Variants in NOL9 observed in about 807,000 individuals in gnomAD.
The protein encoded by NOL9 is nucleolar protein 9, also known as polynucleotide 5'-hydroxyl-kinase NOL9.
Under a neutral mutation model 67.9 loss-of-function variants are expected in NOL9, and 28 were observed. That is an observed-to-expected ratio of 0.41 (90% CI 0.31 to 0.57). NOL9 has a LOEUF of 0.57. NOL9 is among the 20% of genes least tolerant of loss of function. The probability of loss-of-function intolerance (pLI) is 0.25; values close to 1 mark genes in which losing one functional copy is unlikely to be tolerated. For synonymous variants in NOL9, 356 were observed against 352.2 expected, an observed-to-expected ratio of 1.01 and a Z score of -0.12; for missense variants, 777 against 897.0, an observed-to-expected ratio of 0.87 and a Z score of 1.71.
chr1:6,549,898 C>A (rs11581831), intron 2 of NOL9, among the ~76,000 whole-genome samples, 200 bp from the exon 3 acceptor site: 1 of 151,970 alleles, frequency 6.6e-6, no homozygotes, highest in South Asian at 2.1e-4. Flanking sequence ...CATAATAATT[C>A]TGTGGCCTTG....
intron 1 of NOL9, among the ~76,000 whole-genome samples, chr1:6,551,400 A>G (rs1022187754): frequency 6.6e-6 from 1 of 151,876 alleles, no homozygotes; most frequent in Non-Finnish European, 1.5e-5. Context: ...CCTGGATAAC[A>G]TGGCAAACCC....
intron 9 of NOL9, among the ~76,000 whole-genome samples, chr1:6,531,600 G>A (rs1427797287): frequency 1.3e-5 from 2 of 152,108 alleles, no homozygotes; most frequent in Non-Finnish European, 2.9e-5. Flanking sequence ...CTGAGGCCCA[G>A]TAGCACCCCT....
chr1:6,549,859 TG>T (rs1369178033), intron 2 of NOL9, among the ~76,000 whole-genome samples, 161 bp from the exon 3 acceptor site: 4 of 152,138 alleles, frequency 2.6e-5, no homozygotes, highest in Non-Finnish European at 4.4e-5. Flanking sequence ...AGAACACATC[TG>T]GGAGGAGAAG....
intron 6 of NOL9, chr1:6,540,922 C>T (rs1395900162): frequency 6.6e-6 from 1 of 150,424 alleles, no homozygotes; most frequent in East Asian, 2.0e-4. Context: ...ATGGGCCCCG[C>T]ACAAGGATAA....
chr1:6,533,215 T>C (rs1639073771), intron 7 of NOL9, 65 bp downstream of exon 7: 1 of 1,461,102 alleles, frequency 6.8e-7, no homozygotes, highest in Non-Finnish European at 9.2e-7. Context: ...TTAACGTGAA[T>C]GTCTGAAACC....
In NOL9 at chr1:6,554,277, G is replaced by C. The variant is rs1026156047; in HGVS notation, c.226C>G (p.Arg76Gly). The C allele has an allele frequency of 1.2e-5, 18 of 1,474,248 alleles. No individual in the cohort carries two copies. The highest frequency in any genetic ancestry group is 4.6e-4 in the Middle Eastern group (2 of 4,372). The allele number at this position is 1,474,248 out of a possible 1,614,324, so 91.3% of individuals were successfully genotyped here. A position where few individuals can be genotyped will look rare whatever the true frequency, so the allele number is the denominator to read the frequency against. ...CTGGGGGTCGCGGTGTTGGGTCTCCGGGCCGCCGCCGCGCGCGACACCTGG... is the reference window on the plus strand; with the variant it reads ...CTGGGGGTCGCGGTGTTGGGTCTCCCGGCCGCCGCCGCGCGCGACACCTGG... ...ARQVSRAAAA[R>G]RPNTATPSPI... Residue 76 changes from arginine to glycine, a missense_variant, in exon 1 of 12, where the codon CGG (arginine) becomes GGG (glycine). Arg to Gly is a moderately radical substitution (Grantham distance 125, BLOSUM62 -2). Coordinates refer to ENST00000377705, the MANE Select transcript of NOL9 (RefSeq NM_024654.5).
In NOL9 at chr1:6,549,922, G is replaced by A. The variant is rs762498636; in HGVS notation, c.617-224C>T. ...TCTGTGGCCTTGAACAATTTTTCTT[G>A]TCAGTAAAATGGTGATAACAATAGT... On this transcript the variant is annotated intron_variant, in intron 2 of 11. Transcript: ENST00000377705. 5.3e-5 allele frequency among the ~76,000 whole-genome samples: 8 copies of A among 152,122 alleles called. 1 individual carries two copies. The highest frequency in any genetic ancestry group is 1.9e-4 in the African/African-American group (8 of 41,436).
At chr1:6,548,794 A>G (rs182507385) in intron 3 of NOL9, among the ~76,000 whole-genome samples, 1 of 152,192 alleles carries the variant, frequency 6.6e-6, no homozygotes, top group African/African-American at 2.4e-5. Context: ...TAAAAACCCC[A>G]AAAAAGGCCA....
intron 10 of NOL9, among the ~76,000 whole-genome samples, chr1:6,527,800 A>G (rs2004221): frequency 0.82 from 124,297 of 152,140 alleles, 51,630 homozygotes; most frequent in Non-Finnish European, 0.89. Context: ...GCGTGGTGGC[A>G]CATGCCTGTA....
intron 3 of NOL9, among the ~76,000 whole-genome samples, chr1:6,547,309 G>A (rs1020318567): frequency 6.6e-6 from 1 of 152,044 alleles, no homozygotes; most frequent in Non-Finnish European, 1.5e-5. Flanking sequence ...GGCATCTCAA[G>A]GTTAACAAAT....
At chr1:6,552,021 C>T (rs1330245820) in intron 1 of NOL9, among the ~76,000 whole-genome samples, 2 of 151,950 alleles carry the variant, frequency 1.3e-5, no homozygotes, top group Admixed American at 6.6e-5. Context: ...GGCAACAGAG[C>T]GAGACTCCAT....
At chr1:6,546,353 T>C (rs1167041437) in intron 3 of NOL9, among the ~76,000 whole-genome samples, 1 of 152,160 alleles carries the variant, frequency 6.6e-6, no homozygotes, top group African/African-American at 2.4e-5. Context: ...CATCTCCTCC[T>C]CTGCAGTCCT....
At chr1:6,545,274 A>C (rs2148660125) in intron 3 of NOL9, 94 bp from the exon 4 acceptor site, 1 of 1,298,548 alleles carries the variant, frequency 7.7e-7, no homozygotes, top group South Asian at 1.4e-5. Context: ...TGAGCCAGAG[A>C]AGATAAATTG....
chr1:6,539,534 G>A (rs1349955271), intron 6 of NOL9, among the ~76,000 whole-genome samples: 1 of 152,158 alleles, frequency 6.6e-6, no homozygotes, highest in South Asian at 2.1e-4. Flanking sequence ...ACCCAGGCTG[G>A]AGTGTAATGG....
Position 6,521,782 on chromosome 1 carries a change from A to C in NOL9, c.*4072T>G, listed in dbSNP as rs2148644271. ...GCCAGCCTCCTGAGTTTACCATCTC[A>C]TCAGAGGCTAGCTACACACTAGGAG... is the stretch of plus-strand genomic sequence containing the variant. On this transcript the variant is annotated 3_prime_UTR_variant, in exon 12 of 12. Coordinates refer to ENST00000377705, the MANE Select transcript of NOL9 (RefSeq NM_024654.5). 1 of 152,350 alleles carries C rather than the reference A, an allele frequency of 6.6e-6. No homozygotes were observed. Among genetic ancestry groups the C allele is most frequent in the South Asian group, 2.1e-4 (1 of 4,830 alleles). The allele number at this position is 152,350 out of a possible 1,614,324, so 9.4% of individuals were successfully genotyped here.
At chr1:6,530,835 G>A (rs1241749105) in intron 9 of NOL9, among the ~76,000 whole-genome samples, 1 of 152,264 alleles carries the variant, frequency 6.6e-6, no homozygotes, top group Non-Finnish European at 1.5e-5. Flanking sequence ...CAGAGCAAGC[G>A]CTCAAAACCG....
intron 6 of NOL9, among the ~76,000 whole-genome samples, chr1:6,536,582 C>T (rs188951989): frequency 2.0e-5 from 3 of 151,976 alleles, no homozygotes; most frequent in Non-Finnish European, 1.5e-5. Flanking sequence ...AATCTCAGGA[C>T]TGTGGGAGGC....
intron 6 of NOL9, among the ~76,000 whole-genome samples, chr1:6,533,981 A>G (rs1372687421): frequency 6.6e-6 from 1 of 151,676 alleles, no homozygotes; most frequent in Non-Finnish European, 1.5e-5. Flanking sequence ...TCCGCCTGCC[A>G]GGTTCAAGCG....
At chr1:6,528,367 C>T (rs761049812) in intron 10 of NOL9, among the ~76,000 whole-genome samples, 3 of 152,148 alleles carry the variant, frequency 2.0e-5, no homozygotes, top group African/African-American at 4.8e-5. Context: ...CAGTAGATGC[C>T]GGTGGCTGAC....
Sources: allele counts gnomAD v4.1 joint callset (sites outside exome capture counted in the v4.1 genomes callset), GRCh38; gene constraint gnomAD v4.1.1; transcripts MANE v1.5; gene names NCBI Gene and HGNC (gene_info 2026-07-23, HGNC 2026-07-21).